C10orf67: variants seen among roughly 807,000 people sequenced by gnomAD.
C10orf67 encodes chromosome 10 open reading frame 67.
A neutral mutation model predicts 35.6 loss-of-function variants in C10orf67; 60 were observed. The ratio of observed to expected loss-of-function variants is 1.68; its 90% CI spans 1.37 to 2.09. The LOEUF is 2.09. Ranked by LOEUF, C10orf67 falls within the 30% of genes most tolerant of loss-of-function variation. C10orf67 has a pLI of 0.00. For synonymous variants in C10orf67, 167 were observed against 115.8 expected (o/e 1.44, Z -2.84); for missense variants, 474 against 330.2 (o/e 1.44, Z -3.38).
At chr10:23,277,640 T>C (rs1202391347) in intron 8 of C10orf67, among the ~76,000 whole-genome samples, 2 of 152,064 alleles carry the variant, frequency 1.3e-5, no homozygotes, top group African/African-American at 4.8e-5. Flanking sequence ...ATTTTCTGTG[T>C]TGAGAAAGAT....
At chr10:23,245,357 T>A (rs1046537198) in intron 12 of C10orf67, among the ~76,000 whole-genome samples, 6 of 152,090 alleles carry the variant, frequency 3.9e-5, no homozygotes, top group Non-Finnish European at 8.8e-5. Context: ...CAAGAACGAA[T>A]AAGTAGGATT....
intron 2 of C10orf67, 150 bp from the exon 3 acceptor site, chr10:23,322,687 T>C (rs559819257): frequency 3.5e-6 from 2 of 579,514 alleles, no homozygotes; most frequent in South Asian, 4.4e-5. Flanking sequence ...CTTACGGTGG[T>C]GAGCGGGAGG....
chr10:23,296,823 A>C lies in C10orf67; in HGVS notation c.703-5544T>G, dbSNP rs548351079. The stretch of plus-strand genomic sequence containing the variant: ...AAGGAGGTTAAAGATACAGGGATTG[A>C]AATGTATGGCCTGCAGTGCAGGGGA... On this transcript the variant is annotated intron_variant, in intron 5 of 15. Coordinates refer to ENST00000636213, the MANE Select transcript of C10orf67 (RefSeq NM_001371909.1). Among the ~76,000 whole-genome samples, 173 of 152,290 alleles carry C rather than the reference A, an allele frequency of 1.1e-3. 1 individual carries two copies. Among genetic ancestry groups the C allele is most frequent in the African/African-American group, 4.1e-3 (169 of 41,556 alleles).
chr10:23,279,735 C>T (rs977778293), intron 8 of C10orf67, among the ~76,000 whole-genome samples: 3 of 151,896 alleles, frequency 2.0e-5, no homozygotes, highest in African/African-American at 7.3e-5. Flanking sequence ...CATATGCTTC[C>T]TCAAAAGCCA....
chr10:23,204,269 A>G lies in C10orf67; in HGVS notation c.1571-14T>C. Reference sequence around the variant, plus strand: ...CCGACAACTTCCCTAAACGTGAAGAAAGGTGGACAGACATAAACTTTGTTT... The same window carrying G: ...CCGACAACTTCCCTAAACGTGAAGAGAGGTGGACAGACATAAACTTTGTTT... On this transcript the variant is annotated splice_polypyrimidine_tract_variant and intron_variant, in intron 15 of 15. Coordinates refer to ENST00000636213, the MANE Select transcript of C10orf67 (RefSeq NM_001371909.1). The G allele has an allele frequency of 1.6e-6, 1 of 625,266 alleles. No homozygotes were observed. Among genetic ancestry groups the G allele is most frequent in the South Asian group, 1.9e-5 (1 of 52,998 alleles). 38.7% of individuals were successfully genotyped at this position (625,266 alleles called of 1,614,324 possible). A position where few individuals can be genotyped will look rare whatever the true frequency, so the allele number is the denominator to read the frequency against.
chr10:23,212,818 A>AGAGAGAGT (rs1841344494), intron 15 of C10orf67, among the ~76,000 whole-genome samples: 2 of 150,702 alleles, frequency 1.3e-5, no homozygotes, highest in African/African-American at 4.9e-5. Flanking sequence ...AGAGAGAGAG[A>AGAGAGAGT]GAGAGACGTA....
chr10:23,330,609 C>T (rs1268878018), intron 2 of C10orf67, among the ~76,000 whole-genome samples: 2 of 150,472 alleles, frequency 1.3e-5, no homozygotes, highest in Non-Finnish European at 3.0e-5. Flanking sequence ...GCGTGGTGGC[C>T]GGCGCCTGTA....
chr10:23,326,230 G>T (rs1450397091), intron 2 of C10orf67, among the ~76,000 whole-genome samples: 1 of 152,030 alleles, frequency 6.6e-6, no homozygotes, highest in Non-Finnish European at 1.5e-5. Context: ...CCACACTTAG[G>T]TACATAATAA....
chr10:23,296,566 A>T (rs1470699822), intron 5 of C10orf67, among the ~76,000 whole-genome samples: 1 of 151,964 alleles, frequency 6.6e-6, no homozygotes, highest in Non-Finnish European at 1.5e-5. Flanking sequence ...GCTGTTGGGG[A>T]GGTTGGCTGA....
chr10:23,275,803 C>T (rs1281194686), intron 8 of C10orf67, among the ~76,000 whole-genome samples: 1 of 152,114 alleles, frequency 6.6e-6, no homozygotes, highest in Non-Finnish European at 1.5e-5. Context: ...GTTTGTAATA[C>T]TGTATCTAGA....
intron 15 of C10orf67, among the ~76,000 whole-genome samples, chr10:23,212,497 G>T (rs572478426): frequency 4.6e-5 from 7 of 152,270 alleles, no homozygotes; most frequent in Admixed American, 4.6e-4. Context: ...ACTTCTTGAA[G>T]GCAGAAGCTT....
intron 4 of C10orf67, among the ~76,000 whole-genome samples, chr10:23,319,278 T>C (rs1367175707): frequency 6.6e-6 from 1 of 152,220 alleles, no homozygotes; most frequent in Admixed American, 6.5e-5. Flanking sequence ...GTTCCAATAT[T>C]AATTTGTTTA....
In C10orf67 at chr10:23,328,437, A is replaced by G. The variant is rs559004579; in HGVS notation, c.327+4625T>C. Among the ~76,000 whole-genome samples the G allele has an allele frequency of 1.2e-4, 19 of 152,254 alleles. 1 individual carries two copies. Among genetic ancestry groups the G allele is most frequent in the African/African-American group, 4.6e-4 (19 of 41,528 alleles). On this transcript the variant is annotated intron_variant, in intron 2 of 15. Coordinates refer to ENST00000636213, the MANE Select transcript of C10orf67 (RefSeq NM_001371909.1). ...CCTACTTCTCCCATATTCTCCTTCC[A>G]TAGAAGCTGGAAGGGGAGCAGCCAT...
intron 5 of C10orf67, among the ~76,000 whole-genome samples, chr10:23,302,798 G>GT (rs1290296659): frequency 6.6e-6 from 1 of 152,150 alleles, no homozygotes; most frequent in African/African-American, 2.4e-5. Flanking sequence ...TGTCTAACCA[G>GT]TAAAGCAGCT....
chr10:23,258,062 G>T (rs902503955), intron 10 of C10orf67: 1 of 152,202 alleles, frequency 6.6e-6, no homozygotes, highest in African/African-American at 2.4e-5. Context: ...AGAAATATGA[G>T]GCAGCTCGCT....
chr10:23,219,199 G>A (rs914047226), intron 15 of C10orf67, among the ~76,000 whole-genome samples: 3 of 152,084 alleles, frequency 2.0e-5, no homozygotes, highest in Admixed American at 6.6e-5. Flanking sequence ...TTCTTCCCTA[G>A]AAGTCTCAGA....
At chr10:23,282,525 G>T (rs1362442540) in intron 7 of C10orf67, among the ~76,000 whole-genome samples, 2 of 152,180 alleles carry the variant, frequency 1.3e-5, no homozygotes, top group African/African-American at 4.8e-5. Flanking sequence ...TGCTTTGAGA[G>T]GCTGAGGCAG....
intron 5 of C10orf67, among the ~76,000 whole-genome samples, chr10:23,299,578 C>T (rs1844001264): frequency 6.6e-6 from 1 of 152,092 alleles, no homozygotes; most frequent in African/African-American, 2.4e-5. Context: ...GAGTAAAGTT[C>T]CCCAGTCACA....
At chr10:23,307,369 A>C (rs1844327506) in intron 4 of C10orf67, among the ~76,000 whole-genome samples, 1 of 152,130 alleles carries the variant, frequency 6.6e-6, no homozygotes, top group African/African-American at 2.4e-5. Flanking sequence ...AATATACTTA[A>C]TGTTATATTT....
Sources: gnomAD v4.1 joint callset for allele counts (sites outside exome capture counted in the v4.1 genomes callset) on GRCh38, gnomAD v4.1.1 for gene constraint, MANE v1.5 for transcripts, NCBI Gene and HGNC (gene_info 2026-07-23, HGNC 2026-07-21) for gene names.